ANAPC5: variants seen among roughly 807,000 people sequenced by gnomAD.
ANAPC5 encodes the protein anaphase-promoting complex subunit 5.
In ANAPC5, 60 loss-of-function variants were observed where a neutral mutation model predicts 91.3. That is an observed-to-expected ratio of 0.66 (90% CI 0.53 to 0.81). ANAPC5 has a LOEUF of 0.81. Among genes scored for constraint, ANAPC5 ranks in the 40% least tolerant of loss-of-function variants. The probability of loss-of-function intolerance (pLI) is 0.00; values close to 1 mark genes in which losing one functional copy is unlikely to be tolerated. For missense variants in ANAPC5, 690 were observed against 931.5 expected (o/e 0.74, Z 3.37); for synonymous variants, 340 against 364.1 (o/e 0.93, Z 0.75).
rs1555275445 is a variant in ANAPC5 at position 121,352,131 on chromosome 12, C to A, written c.207+3G>T. 12 of 1,603,282 alleles carry A rather than the reference C, an allele frequency of 7.5e-6. No homozygotes were observed. Among genetic ancestry groups the A allele is most frequent in the Non-Finnish European group, 1.0e-5 (12 of 1,172,348 alleles). Reference sequence around the variant, plus strand: ...CGAGCAGGAGCCAGCGGGCGCCTCTCACCTGCAGCAGGGGCAGGAGCAGCT... The same window carrying A: ...CGAGCAGGAGCCAGCGGGCGCCTCTAACCTGCAGCAGGGGCAGGAGCAGCT... On this transcript the variant is annotated splice_donor_region_variant and intron_variant, in intron 1 of 16. Transcript: ENST00000261819.
At chr12:121,324,837 G>T (rs879983024) in intron 11 of ANAPC5, among the ~76,000 whole-genome samples, 3 of 152,100 alleles carry the variant, frequency 2.0e-5, no homozygotes, top group African/African-American at 7.2e-5. Flanking sequence ...AGCTATGATT[G>T]TGCCACCGCA....
chr12:121,354,023 C>G (rs1182159119), upstream of ANAPC5, among the ~76,000 whole-genome samples: 1 of 143,554 alleles, frequency 7.0e-6, no homozygotes, highest in East Asian at 2.1e-4. Flanking sequence ...GAGTCTTGCT[C>G]TGTCGCCCAG....
At chr12:121,341,941 C>T in intron 5 of ANAPC5, 62 bp downstream of exon 5, 1 of 1,321,824 alleles carries the variant, frequency 7.6e-7, no homozygotes, top group Non-Finnish European at 1.1e-6. Context: ...ACACACATCA[C>T]AGGACTAGAC....
intron 6 of ANAPC5, among the ~76,000 whole-genome samples, chr12:121,336,606 G>A (rs1421549203): frequency 1.3e-5 from 2 of 152,168 alleles, no homozygotes; most frequent in Admixed American, 1.3e-4. Flanking sequence ...TGAGAACCCG[G>A]GAGGCAGAGG....
intron 11 of ANAPC5, among the ~76,000 whole-genome samples, chr12:121,322,448 C>T (rs998421508): frequency 2.6e-5 from 4 of 152,154 alleles, no homozygotes; most frequent in Non-Finnish European, 4.4e-5. Context: ...CATGAGCCAC[C>T]GTGTCCAGCT....
intron 5 of ANAPC5, 56 bp downstream of exon 5, chr12:121,341,947 T>G: frequency 7.3e-7 from 1 of 1,375,782 alleles, no homozygotes; most frequent in Non-Finnish European, 1.0e-6. Flanking sequence ...ATCACAGGAC[T>G]AGACACATCA....
Position 121,335,567 on chromosome 12 carries a change from T to C in ANAPC5, c.916A>G (p.Asn306Asp). The C allele has an allele frequency of 6.2e-7, 1 of 1,613,048 alleles. No individual in the cohort carries two copies. The highest frequency in any genetic ancestry group is 2.2e-5 in the East Asian group (1 of 44,862). Residue 306 changes from asparagine (N) to aspartate (D), a missense_variant, in exon 7 of 17, where the codon AAT (asparagine) becomes GAT (aspartate). By Grantham distance (23) the Asn-to-Asp change is conservative. Around this residue, in one of 5 missense-constraint regions of ANAPC5, gnomAD observed 83 missense variants for 150.8 expected, o/e 0.55. Transcript: ENST00000261819. Reference sequence around the variant, plus strand: ...AAGCGGCAGTGCAGGGCGGCAAGATTCAGAGCGGCGTATCTCAAGCTCCGG... The same window carrying C: ...AAGCGGCAGTGCAGGGCGGCAAGATCCAGAGCGGCGTATCTCAAGCTCCGG... ...YGRSLRYAAL[N>D]LAALHCRFGH...
intron 5 of ANAPC5, among the ~76,000 whole-genome samples, chr12:121,341,059 G>A (rs1315667537): frequency 1.3e-5 from 2 of 151,940 alleles, no homozygotes; most frequent in Non-Finnish European, 2.9e-5. Flanking sequence ...GCTGGGCGTG[G>A]TGGCTCACAC....
intron 10 of ANAPC5, 51 bp downstream of exon 10, chr12:121,328,265 C>A: frequency 6.4e-7 from 1 of 1,570,650 alleles, no homozygotes; most frequent in Non-Finnish European, 8.7e-7. Context: ...AGCTTGCTAG[C>A]TCCTGCTTCT....
intron 12 of ANAPC5, 27 bp from the exon 13 acceptor site, chr12:121,319,845 G>T (rs764401591): frequency 3.8e-6 from 6 of 1,579,484 alleles, no homozygotes; most frequent in Non-Finnish European, 3.4e-6. Context: ...ACACAATTAA[G>T]TACAAAATGG....
chr12:121,327,793 T>C (rs1297668997), intron 10 of ANAPC5: 1 of 156,836 alleles, frequency 6.4e-6, no homozygotes, highest in East Asian at 1.9e-4. Flanking sequence ...AGTGGCTAAA[T>C]GTGAAAGTAC....
In ANAPC5 at chr12:121,323,575, G is replaced by A. The variant is rs191205473; in HGVS notation, c.1441-3116C>T. 1.8e-3 allele frequency among the ~76,000 whole-genome samples: 270 copies of A among 152,118 alleles called. 4 individuals carry two copies. The highest frequency in any genetic ancestry group is 1.2e-4 in the Non-Finnish European group (8 of 67,982). On this transcript the variant is annotated intron_variant, in intron 11 of 16. Coordinates refer to ENST00000261819, the MANE Select transcript of ANAPC5 (RefSeq NM_016237.5). ...TCAAACTCCTGAGCTCAAGTGATACGCCTGCTTCAGCCTCCCAAAGTGCTG... is the reference window on the plus strand; with the variant it reads ...TCAAACTCCTGAGCTCAAGTGATACACCTGCTTCAGCCTCCCAAAGTGCTG...
chr12:121,330,447 T>G, intron 9 of ANAPC5, 136 bp downstream of exon 9: 1 of 649,398 alleles, frequency 1.5e-6, no homozygotes, highest in East Asian at 2.9e-5. Context: ...ATTAAAGTCA[T>G]ATGAAACTGC....
Position 121,316,014 on chromosome 12 carries a change from A to C in ANAPC5, c.1893+2263T>G, listed in dbSNP as rs540537285. The stretch of plus-strand genomic sequence containing the variant: ...AGAAAGTGAAAAGACCAAACACAGA[A>C]CAGGAGAAAATATTTGTAAATTATA... On this transcript the variant is annotated intron_variant, in intron 15 of 16. Transcript: ENST00000261819. 2.6e-5 allele frequency among the ~76,000 whole-genome samples: 4 copies of C among 152,338 alleles called. No homozygotes were observed. The South Asian group carries it at 8.3e-4, about 32-fold the overall frequency.
chr12:121,351,960 C>T (rs1903908172), intron 1 of ANAPC5, among the ~76,000 whole-genome samples, 174 bp downstream of exon 1: 1 of 152,092 alleles, frequency 6.6e-6, no homozygotes, highest in African/African-American at 2.4e-5. Flanking sequence ...CCTGGCCCAC[C>T]GTAAACGCTC....
At chr12:121,324,260 C>T (rs1457258095) in intron 11 of ANAPC5, among the ~76,000 whole-genome samples, 2 of 152,038 alleles carry the variant, frequency 1.3e-5, no homozygotes, top group South Asian at 2.1e-4. Flanking sequence ...AAAAATGTGA[C>T]AGTCATCAGC....
chr12:121,332,648 A>C (rs1903086573), intron 7 of ANAPC5: 1 of 152,154 alleles, frequency 6.6e-6, no homozygotes. Context: ...TAAATGCTCA[A>C]TAAACAACTA....
intron 1 of ANAPC5, 98 bp from the exon 2 acceptor site, chr12:121,347,979 T>A: frequency 1.2e-6 from 1 of 846,574 alleles, no homozygotes; most frequent in Admixed American, 2.2e-5. Flanking sequence ...TCTGCTTTAA[T>A]AATCACTCCA....
At chr12:121,321,483 T>C (rs1267610371) in intron 11 of ANAPC5, among the ~76,000 whole-genome samples, 1 of 149,354 alleles carries the variant, frequency 6.7e-6, no homozygotes, top group East Asian at 2.0e-4. Flanking sequence ...GCCTCCCGAG[T>C]AGCAGGGAAT....
Sources: gnomAD v4.1 joint callset for allele counts (sites outside exome capture counted in the v4.1 genomes callset) on GRCh38, gnomAD v4.1.1 for gene constraint, gnomAD v4.1.1 regional missense constraint, MANE v1.5 for transcripts, NCBI Gene and HGNC (gene_info 2026-07-23, HGNC 2026-07-21) for gene names.